The following SEPTIN6 variants were observed in gnomAD, a reference collection of about 807,000 sequenced individuals.
SEPTIN6 encodes septin-6.
Under a neutral mutation model 33.6 loss-of-function variants are expected in SEPTIN6, and 8 were observed. The observed-to-expected ratio is 0.24, with a 90% CI of 0.14 to 0.43. The LOEUF (loss-of-function observed/expected upper bound fraction) is 0.43. Among genes scored for constraint, SEPTIN6 ranks in the 20% least tolerant of loss-of-function variants. The pLI is 1.00. For missense variants in SEPTIN6, 250 were observed against 340.8 expected (o/e 0.73, Z 2.10); for synonymous variants, 131 against 140.0 (o/e 0.94, Z 0.45).
At chrX:119,631,220 G>C (rs1246883280) in intron 8 of SEPTIN6, among the ~76,000 whole-genome samples, 1 of 96,404 alleles carries the variant, frequency 1.0e-5, no homozygotes, top group Non-Finnish European at 2.0e-5. Context: ...TCGCTCTGTC[G>C]CCCAAGCTGG....
chrX:119,672,572 TTCTCA>T (rs1469072953), intron 2 of SEPTIN6, among the ~76,000 whole-genome samples: 1 of 112,312 alleles, frequency 8.9e-6, no homozygotes, highest in Non-Finnish European at 1.9e-5. Flanking sequence ...GTCATTTCTC[TTCTCA>T]TCTCAACTTC....
Position 119,619,545 on chromosome X carries a change from G to C in SEPTIN6, c.*548C>G, listed in dbSNP as rs2053714499. ...AGGTTAGAAGGAAAAGGCGCCAAAG[G>C]CTGTCCTTTTGAAACCCTCTAAGAA... On this transcript the variant is annotated 3_prime_UTR_variant, in exon 11 of 11. Transcript: ENST00000394610. 2.4e-6 allele frequency: 2 copies of C among 818,523 alleles called. No individual in the cohort carries two copies. The highest frequency in any genetic ancestry group is 1.3e-4 in the South Asian group (2 of 15,517). 67.5% of individuals were successfully genotyped at this position (818,523 alleles called of 1,213,427 possible).
chrX:119,642,109 T>C (rs187999972), intron 5 of SEPTIN6, among the ~76,000 whole-genome samples: 1 of 97,776 alleles, frequency 1.0e-5, no homozygotes, highest in African/African-American at 4.0e-5. Context: ...GTACCAGAAG[T>C]GGAGGTTGCA....
chrX:119,661,849 C>T lies in SEPTIN6; in HGVS notation c.341+1633G>A, dbSNP rs557388711. On this transcript the variant is annotated intron_variant, in intron 3 of 10. Transcript: ENST00000394610. The stretch of plus-strand genomic sequence containing the variant: ...GCCTCCCGGATTCAAGTGATTCTCC[C>T]GCCTCAGCCACCTGACTAGCTGGAA... 2.7e-5 allele frequency among the ~76,000 whole-genome samples: 3 copies of T among 112,218 alleles called. No homozygotes were observed. In the South Asian group the frequency reaches 1.1e-3, roughly 42 times the overall value.
Position 119,619,592 on chromosome X carries a change from G to C in SEPTIN6, c.*501C>G. ...AGAAATGGCTGTGGCTCCTGAGGAT[G>C]AGGGTGGGGTGGACCAGGGAGGACT... On this transcript the variant is annotated 3_prime_UTR_variant, in exon 11 of 11. Transcript: ENST00000394610. 1.2e-6 allele frequency: 1 copy of C among 823,943 alleles called. No homozygotes were observed. The highest frequency in any genetic ancestry group is 1.5e-6 in the Non-Finnish European group (1 of 682,856). The allele number at this position is 823,943 out of a possible 1,213,427, so 67.9% of individuals were successfully genotyped here. A position where few individuals can be genotyped will look rare whatever the true frequency, so the allele number is the denominator to read the frequency against.
intron 1 of SEPTIN6, among the ~76,000 whole-genome samples, chrX:119,692,866 C>A (rs1357227477): frequency 2.7e-5 from 3 of 112,562 alleles, no homozygotes; most frequent in African/African-American, 6.4e-5. Context: ...TGCCTGCCCC[C>A]CTGCCGCCCC....
rs1164280228 is a variant in SEPTIN6 at position 119,674,467 on chromosome X, G to A, written c.145+1087C>T. ...GCTGGGATTACAGGCGTGAGCCACC[G>A]TGCCCGGCCGAAGATATTCTTGAAG... On this transcript the variant is annotated intron_variant, in intron 2 of 10. Transcript: ENST00000394610. Among the ~76,000 whole-genome samples the A allele has an allele frequency of 3.6e-5, 4 of 112,338 alleles. No individual in the cohort carries two copies. In the South Asian group the frequency reaches 1.1e-3, roughly 31 times the overall value.
intron 1 of SEPTIN6, among the ~76,000 whole-genome samples, chrX:119,681,718 A>G (rs2054963963): frequency 8.9e-6 from 1 of 112,239 alleles, no homozygotes; most frequent in African/African-American, 3.2e-5. Context: ...TATAAAACAG[A>G]AAACAGAAGT....
intron 5 of SEPTIN6, among the ~76,000 whole-genome samples, chrX:119,649,111 ATTTTTTTTTTTTTT>A (rs200217501): frequency 1.3e-5 from 1 of 75,716 alleles, no homozygotes; most frequent in Non-Finnish European, 2.4e-5. Flanking sequence ...CATAACGCTG[ATTTTTTTTTTTTTT>A]TTTTTTTTTT....
intron 5 of SEPTIN6, among the ~76,000 whole-genome samples, chrX:119,648,903 A>C (rs2054307971): frequency 9.0e-6 from 1 of 111,638 alleles, no homozygotes; most frequent in African/African-American, 3.3e-5. Context: ...GGCTTTCTGA[A>C]AGCTATTAGC....
intron 6 of SEPTIN6, among the ~76,000 whole-genome samples, chrX:119,638,132 A>T (rs999462173): frequency 8.9e-6 from 1 of 111,897 alleles, no homozygotes; most frequent in African/African-American, 3.2e-5. Flanking sequence ...GATAGATGAC[A>T]GTGACAAGGA....
chrX:119,632,072 T>A (rs1460386333), intron 8 of SEPTIN6, among the ~76,000 whole-genome samples: 1 of 109,871 alleles, frequency 9.1e-6, no homozygotes, highest in East Asian at 2.9e-4. Flanking sequence ...ATTTTTTCTA[T>A]TTTTAATAGA....
At chrX:119,679,776 C>G (rs1206436884) in intron 1 of SEPTIN6, among the ~76,000 whole-genome samples, 1 of 112,060 alleles carries the variant, frequency 8.9e-6, no homozygotes. Flanking sequence ...AGGAGAATCA[C>G]TTGAACCCAG....
intron 9 of SEPTIN6, chrX:119,629,046 G>C (rs1448843691): frequency 3.2e-6 from 1 of 312,571 alleles, no homozygotes; most frequent in Non-Finnish European, 5.6e-6. Flanking sequence ...CTTTCCTATG[G>C]ACCTTGAGTT....
intron 1 of SEPTIN6, among the ~76,000 whole-genome samples, chrX:119,680,006 C>G (rs2054921869): frequency 9.0e-6 from 1 of 111,154 alleles, no homozygotes; most frequent in Admixed American, 9.6e-5. Context: ...GGAAAAGATG[C>G]CTGTTTAATG....
chrX:119,651,782 A>G (rs2054356225), intron 4 of SEPTIN6, among the ~76,000 whole-genome samples: 1 of 112,961 alleles, frequency 8.9e-6, no homozygotes, highest in Non-Finnish European at 1.9e-5. Flanking sequence ...TATACAGGAC[A>G]TGCAGGGCAT....
chrX:119,617,626 A>G lies in SEPTIN6; in HGVS notation c.*2467T>C, dbSNP rs2053686773. ...AACTAGTCAGTTACTCTGAACATCA[A>G]AAGACCTCGTATCCAGGAATGTAAC... is the stretch of plus-strand genomic sequence containing the variant. On this transcript the variant is annotated 3_prime_UTR_variant, in exon 11 of 11. Coordinates refer to ENST00000394610, the MANE Select transcript of SEPTIN6 (RefSeq NM_145799.4). The G allele has an allele frequency of 1.2e-6, 1 of 803,918 alleles. No individual in the cohort carries two copies. The highest frequency in any genetic ancestry group is 1.5e-6 in the Non-Finnish European group (1 of 669,380). The allele number at this position is 803,918 out of a possible 1,213,427, so 66.3% of individuals were successfully genotyped here.
intron 1 of SEPTIN6, among the ~76,000 whole-genome samples, chrX:119,686,006 G>A (rs2055049073): frequency 8.9e-6 from 1 of 111,791 alleles, no homozygotes; most frequent in Non-Finnish European, 1.9e-5. Context: ...CCCACCTCAG[G>A]CCAGGGGTGA....
intron 2 of SEPTIN6, among the ~76,000 whole-genome samples, chrX:119,668,031 C>T (rs1260262846): frequency 9.0e-6 from 1 of 111,680 alleles, no homozygotes; most frequent in Non-Finnish European, 1.9e-5. Flanking sequence ...GACGGTGGCT[C>T]AGGCCTGTAA....
Sources: allele counts gnomAD v4.1 joint callset (sites outside exome capture counted in the v4.1 genomes callset), GRCh38; gene constraint gnomAD v4.1.1; transcripts MANE v1.5; gene names NCBI Gene and HGNC (gene_info 2026-07-23, HGNC 2026-07-21).